The following IL6R variants were observed in gnomAD, a reference collection of about 807,000 sequenced individuals.
The protein encoded by IL6R is interleukin-6 receptor subunit alpha.
A neutral mutation model predicts 48.3 loss-of-function variants in IL6R; 38 were observed. The observed-to-expected ratio is 0.79, with a 90% CI of 0.61 to 1.03. The LOEUF (loss-of-function observed/expected upper bound fraction) is 1.03, where lower values mean the gene tolerates loss of function less well. Among genes scored for constraint, IL6R ranks in the 50% least tolerant of loss-of-function variants. IL6R has a pLI of 0.00. For synonymous variants in IL6R, 264 were observed against 256.2 expected, an observed-to-expected ratio of 1.03 and a Z score of -0.29; for missense variants, 534 against 618.3, an observed-to-expected ratio of 0.86 and a Z score of 1.45.
intron 6 of IL6R, among the ~76,000 whole-genome samples, chr1:154,445,952 A>G (rs917080856): frequency 2.6e-5 from 4 of 151,412 alleles, no homozygotes; most frequent in Admixed American, 2.0e-4. Flanking sequence ...TTTTTTAGAG[A>G]TGAGGTCTCA....
chr1:154,435,312 C>T (rs1156992901), intron 5 of IL6R, among the ~76,000 whole-genome samples, 156 bp downstream of exon 5: 1 of 152,144 alleles, frequency 6.6e-6, no homozygotes, highest in Non-Finnish European at 1.5e-5. Flanking sequence ...GAGTTCGAGA[C>T]CATCCTGGCC....
rs1440349820 is a variant in IL6R at position 154,449,971 on chromosome 1, A to C, written c.1057A>C (p.Ser353Arg). The change falls in exon 8 of 10, where the codon AGC becomes CGC. Residue 353 changes from serine (S) to arginine (R), a missense_variant. Ser to Arg is a moderately radical substitution (Grantham distance 110). Coordinates refer to ENST00000368485, the MANE Select transcript of IL6R (RefSeq NM_000565.4). Reference protein sequence around the residue: ...ILFRDSANATSLPVQDSSSVP... With the variant: ...ILFRDSANATRLPVQDSSSVP... ...CTTCAGAGATTCTGCAAATGCGACAAGCCTCCCAGGTAAGGACTGGGTATT... is the reference window on the plus strand; with the variant it reads ...CTTCAGAGATTCTGCAAATGCGACACGCCTCCCAGGTAAGGACTGGGTATT... The C allele has an allele frequency of 6.2e-7, 1 of 1,604,692 alleles. No individual in the cohort carries two copies. The highest frequency in any genetic ancestry group is 1.1e-5 in the South Asian group (1 of 90,874).
intron 6 of IL6R, among the ~76,000 whole-genome samples, chr1:154,444,487 A>C (rs1308514599): frequency 6.6e-6 from 1 of 152,216 alleles, no homozygotes; most frequent in Non-Finnish European, 1.5e-5. Flanking sequence ...GATTACAGGC[A>C]TGAGCCACCG....
chr1:154,420,307 G>C (rs898611290), intron 1 of IL6R, among the ~76,000 whole-genome samples: 4 of 151,994 alleles, frequency 2.6e-5, no homozygotes, highest in Non-Finnish European at 5.9e-5. Flanking sequence ...CCGCAGGAGT[G>C]GGGGCCTGTG....
At chr1:154,424,172 G>A (rs1357592748) in intron 1 of IL6R, among the ~76,000 whole-genome samples, 2 of 152,188 alleles carry the variant, frequency 1.3e-5, no homozygotes, top group East Asian at 3.8e-4. Flanking sequence ...TGCAAACCGT[G>A]CGCCTGGGAG....
At chr1:154,409,078 C>A (rs769505391) in intron 1 of IL6R, among the ~76,000 whole-genome samples, 2 of 152,142 alleles carry the variant, frequency 1.3e-5, no homozygotes, top group Non-Finnish European at 2.9e-5. Flanking sequence ...GTCCAGTCTG[C>A]ATGGAGCCAT....
At chr1:154,406,136 C>A (rs149018760) in intron 1 of IL6R, among the ~76,000 whole-genome samples, 185 of 152,302 alleles carry the variant, frequency 1.2e-3, no homozygotes, top group Middle Eastern at 3.4e-3. Context: ...TTTGTACCAG[C>A]GCCCCTCTTC....
chr1:154,459,223 A>C (rs1691103554), intron 9 of IL6R, among the ~76,000 whole-genome samples: 1 of 152,192 alleles, frequency 6.6e-6, no homozygotes, highest in Admixed American at 6.5e-5. Context: ...CTGGTTTGCT[A>C]TTCTGCTGAT....
At chr1:154,440,488 A>G (rs1434466650) in intron 6 of IL6R, among the ~76,000 whole-genome samples, 1 of 152,188 alleles carries the variant, frequency 6.6e-6, no homozygotes, top group East Asian at 1.9e-4. Context: ...GCCGTTTTCC[A>G]CAGTGGCTGC....
intron 3 of IL6R, among the ~76,000 whole-genome samples, chr1:154,432,790 G>A (rs780053665): frequency 2.6e-5 from 4 of 152,218 alleles, no homozygotes; most frequent in Non-Finnish European, 5.9e-5. Flanking sequence ...TTGAAGTGAG[G>A]AAAGAGCAGG....
At chr1:154,406,325 C>T (rs906899582) in intron 1 of IL6R, 1 of 152,374 alleles carries the variant, frequency 6.6e-6, no homozygotes, top group Non-Finnish European at 1.5e-5. Flanking sequence ...TGCCCCAGTC[C>T]TGGGAATTGA....
Position 154,447,476 on chromosome 1 carries a change from T to TATAC in IL6R, c.950-648_950-647insTACA, listed in dbSNP as rs1424013885. On this transcript the variant is annotated intron_variant, in intron 6 of 9. Transcript: ENST00000368485. The stretch of plus-strand genomic sequence containing the variant: ...AAAAATATATATATATATATATATA[T>TATAC]ACACACACACACACACACACACACA... Among the ~76,000 whole-genome samples the TATAC allele has an allele frequency of 2.4e-3, 163 of 68,736 alleles. 2 individuals are homozygous for TATAC. The highest frequency in any genetic ancestry group is 2.6e-3 in the African/African-American group (47 of 17,968). 45.1% of individuals were successfully genotyped at this position (68,736 alleles called of 152,430 possible). A position where few individuals can be genotyped will look rare whatever the true frequency, so the allele number is the denominator to read the frequency against.
At chr1:154,448,041 C>G in intron 6 of IL6R, 84 bp from the exon 7 acceptor site, 1 of 1,134,562 alleles carries the variant, frequency 8.8e-7, no homozygotes. Context: ...TTGAGATGAA[C>G]TTTTTTTTTC....
chr1:154,418,015 G>A (rs1018836842), intron 1 of IL6R, among the ~76,000 whole-genome samples: 7 of 152,162 alleles, frequency 4.6e-5, no homozygotes, highest in Non-Finnish European at 1.0e-4. Flanking sequence ...TTACAGGCGT[G>A]AGCCACTTCA....
At position 154,420,281 on chromosome 1, in the gene IL6R, G is replaced by T. The variant is rs745631388; in HGVS notation, c.86-8915G>T. Among the ~76,000 whole-genome samples, 127 of 152,100 alleles carry T rather than the reference G, an allele frequency of 8.3e-4. 2 individuals are homozygous for T. Among genetic ancestry groups the T allele is most frequent in the South Asian group, 1.0e-3 (5 of 4,804 alleles). ...GCCCTCTGAGAGCTAATGATTGGGC[G>T]CCATGGGATGCTAGACCGCAGGAGT... On this transcript the variant is annotated intron_variant, in intron 1 of 9. Transcript: ENST00000368485.
chr1:154,410,484 C>G (rs1323775962), intron 1 of IL6R, among the ~76,000 whole-genome samples: 1 of 152,248 alleles, frequency 6.6e-6, no homozygotes, highest in Non-Finnish European at 1.5e-5. Flanking sequence ...CACCTAGGCT[C>G]AAGCAGTTCA....
intron 8 of IL6R, among the ~76,000 whole-genome samples, chr1:154,451,343 C>T (rs1690568140): frequency 6.6e-6 from 1 of 152,066 alleles, no homozygotes. Flanking sequence ...CATGGTGAAA[C>T]CCCATCTCTA....
intron 1 of IL6R, among the ~76,000 whole-genome samples, chr1:154,421,126 GGGTGCTCTTCCTCCCTCC>G (rs1688636811): frequency 1.3e-5 from 2 of 152,210 alleles, no homozygotes; most frequent in African/African-American, 4.8e-5. Flanking sequence ...CGCAGTCCTT[GGGTGCTCTTCCTCCCTCC>G]TGCCTCTGCG....
At chr1:154,432,688 G>T (rs571810099) in intron 3 of IL6R, among the ~76,000 whole-genome samples, 1 of 152,352 alleles carries the variant, frequency 6.6e-6, no homozygotes, top group South Asian at 2.1e-4. Context: ...TTGACAGCGG[G>T]AGTGGGAGAG....
Sources: gnomAD v4.1 joint callset for allele counts (sites outside exome capture counted in the v4.1 genomes callset) on GRCh38, gnomAD v4.1.1 for gene constraint, MANE v1.5 for transcripts, NCBI Gene and HGNC (gene_info 2026-07-23, HGNC 2026-07-21) for gene names.